The following TTC28 variants were observed in gnomAD, a reference collection of about 807,000 sequenced individuals.
TTC28 encodes tetratricopeptide repeat domain 28.
In TTC28, 61 loss-of-function variants were observed where a neutral mutation model predicts 198.0. That is an observed-to-expected ratio of 0.31 (90% confidence interval 0.25 to 0.38). The LOEUF is 0.38. TTC28 is among the 10% of genes least tolerant of loss of function. The pLI is 1.00. For missense variants in TTC28, 2,678 were observed against 3,164.0 expected, an observed-to-expected ratio of 0.85 and a Z score of 3.69; for synonymous variants, 1,171 against 1,297.8, an observed-to-expected ratio of 0.90 and a Z score of 2.10.
At chr22:28,127,155 A>G (rs1942936500) in intron 6 of TTC28, among the ~76,000 whole-genome samples, 1 of 152,190 alleles carries the variant, frequency 6.6e-6, no homozygotes, top group African/African-American at 2.4e-5. Context: ...ACAGACAGAA[A>G]GAATCAGGCC....
chr22:28,387,986 T>C (rs1195956132), intron 2 of TTC28, among the ~76,000 whole-genome samples: 1 of 152,302 alleles, frequency 6.6e-6, no homozygotes, highest in Non-Finnish European at 1.5e-5. Context: ...AGGTCTAACG[T>C]TTAAGTCTTT....
intron 2 of TTC28, among the ~76,000 whole-genome samples, chr22:28,423,015 A>G (rs1163129791): frequency 6.6e-6 from 1 of 152,210 alleles, no homozygotes; most frequent in East Asian, 1.9e-4. Context: ...CAGATAATAC[A>G]TACCATGTAT....
chr22:28,197,678 A>G (rs1925514547), intron 5 of TTC28, among the ~76,000 whole-genome samples: 1 of 152,134 alleles, frequency 6.6e-6, no homozygotes, highest in Non-Finnish European at 1.5e-5. Context: ...AATTTCCTGA[A>G]AAAAGTATCT....
In TTC28 at chr22:28,296,263, A is replaced by C; in HGVS notation, c.868T>G (p.Tyr290Asp). The change falls in exon 5 of 23, where the codon TAC becomes GAC. Residue 290 changes from tyrosine (Y) to aspartate (D), a missense_variant. Tyr to Asp is a radical substitution (Grantham distance 160). This residue lies in a region of TTC28 where 775 missense variants were observed against 845.9 expected (regional missense o/e 0.92). Coordinates refer to ENST00000397906, the MANE Select transcript of TTC28 (RefSeq NM_001145418.2). The part of the protein sequence containing the change: ...LGSAFFSKGN[Y>D]REALTNHRHQ... Reference sequence around the variant, plus strand: ...CTGTGGTTAGTGAGAGCCTCCCGGTAATTTCCTTTGGAGAAGAATGCAGAG... The same window carrying C: ...CTGTGGTTAGTGAGAGCCTCCCGGTCATTTCCTTTGGAGAAGAATGCAGAG... The C allele has an allele frequency of 4.5e-6, 7 of 1,551,058 alleles. No homozygotes were observed. The highest frequency in any genetic ancestry group is 6.1e-6 in the Non-Finnish European group (7 of 1,146,678).
chr22:28,239,246 G>A (rs1929481877), intron 5 of TTC28, among the ~76,000 whole-genome samples: 1 of 152,062 alleles, frequency 6.6e-6, no homozygotes, highest in Admixed American at 6.5e-5. Context: ...TGCAATAATG[G>A]ACATATTCTA....
intron 1 of TTC28, among the ~76,000 whole-genome samples, chr22:28,661,276 C>T (rs1488400784): frequency 6.6e-6 from 1 of 152,092 alleles, no homozygotes; most frequent in Non-Finnish European, 1.5e-5. Context: ...AAGTACGAAA[C>T]TCCATCTCAG....
intron 2 of TTC28, among the ~76,000 whole-genome samples, chr22:28,347,320 T>C (rs188305513): frequency 1.4e-3 from 215 of 151,782 alleles, no homozygotes; most frequent in Middle Eastern, 0.01. Context: ...TTGAAAGTCA[T>C]TGCCCTTTTC....
In TTC28 at chr22:28,537,301, A is replaced by AACATAACATAAC. The variant is rs2049306156; in HGVS notation, c.381+92250_381+92251insGTTATGTTATGT. Among the ~76,000 whole-genome samples the AACATAACATAAC allele has an allele frequency of 9.7e-5, 12 of 124,156 alleles. No individual in the cohort carries two copies. In the East Asian group the frequency reaches 2.1e-3, roughly 21 times the overall value. 81.5% of individuals were successfully genotyped at this position (124,156 alleles called of 152,430 possible). On this transcript the variant is annotated intron_variant, in intron 2 of 22. Transcript: ENST00000397906. ...GAGCCAGACTCCGTCTCAAAAATAA[A>AACATAACATAAC]ATAAAATAAAATAAAATAAAATAAA...
At chr22:28,612,057 T>C (rs1371679845) in intron 2 of TTC28, among the ~76,000 whole-genome samples, 5 of 152,198 alleles carry the variant, frequency 3.3e-5, no homozygotes, top group Admixed American at 1.3e-4. Flanking sequence ...TCAAGACCCA[T>C]TGGTGTGCTG....
At chr22:28,419,064 C>T (rs558018254) in intron 2 of TTC28, among the ~76,000 whole-genome samples, 24 of 152,154 alleles carry the variant, frequency 1.6e-4, no homozygotes, top group Non-Finnish European at 3.2e-4. Flanking sequence ...ATTATAATGA[C>T]CAGACAGTTT....
chr22:28,316,055 G>A (rs2103601), intron 2 of TTC28, among the ~76,000 whole-genome samples: 2,344 of 152,238 alleles, frequency 0.015, 78 homozygotes, highest in African/African-American at 0.054. Flanking sequence ...TTCTTTTAAT[G>A]CGCATGTGGG....
chr22:28,462,010 T>C (rs1216113284), intron 2 of TTC28, among the ~76,000 whole-genome samples: 3 of 152,242 alleles, frequency 2.0e-5, no homozygotes, highest in African/African-American at 7.2e-5. Context: ...TTTTAGTATA[T>C]ATAGTCTGGT....
At position 28,547,685 on chromosome 22, in the gene TTC28, C is replaced by T. The variant is rs185030006; in HGVS notation, c.381+81867G>A. 2.0e-3 allele frequency among the ~76,000 whole-genome samples: 298 copies of T among 151,828 alleles called. 2 individuals are homozygous for T. Among genetic ancestry groups the T allele is most frequent in the African/African-American group, 6.2e-3 (257 of 41,404 alleles). On this transcript the variant is annotated intron_variant, in intron 2 of 22. Coordinates refer to ENST00000397906, the MANE Select transcript of TTC28 (RefSeq NM_001145418.2). ...AAAAATTTACTCACTGTAATACGGTCGCATTCCTTCCATAGTCAGACTCTT... is the reference window on the plus strand; with the variant it reads ...AAAAATTTACTCACTGTAATACGGTTGCATTCCTTCCATAGTCAGACTCTT...
At chr22:28,342,264 A>C (rs1274114916) in intron 2 of TTC28, among the ~76,000 whole-genome samples, 2 of 152,190 alleles carry the variant, frequency 1.3e-5, no homozygotes, top group African/African-American at 4.8e-5. Flanking sequence ...TTCAGACTCA[A>C]ATACTTTATG....
chr22:28,674,497 T>C (rs748282562), intron 1 of TTC28, among the ~76,000 whole-genome samples: 5 of 152,152 alleles, frequency 3.3e-5, no homozygotes, highest in Non-Finnish European at 5.9e-5. Context: ...TATGCAATTA[T>C]ACATATGAGA....
chr22:28,596,727 G>A (rs1366982223), intron 2 of TTC28, among the ~76,000 whole-genome samples: 1 of 152,156 alleles, frequency 6.6e-6, no homozygotes. Flanking sequence ...ATAGATGACT[G>A]TACCAGGATC....
intron 2 of TTC28, among the ~76,000 whole-genome samples, chr22:28,589,746 A>G (rs1005634997): frequency 6.6e-6 from 1 of 152,190 alleles, no homozygotes; most frequent in Non-Finnish European, 1.5e-5. Context: ...AATTATAAAA[A>G]TAACAGAAAA....
chr22:28,043,697 C>T (rs912605877), intron 12 of TTC28, among the ~76,000 whole-genome samples: 3 of 152,108 alleles, frequency 2.0e-5, no homozygotes, highest in African/African-American at 7.2e-5. Flanking sequence ...TTAGAAATCC[C>T]CCTCTTTGGA....
intron 2 of TTC28, among the ~76,000 whole-genome samples, chr22:28,496,317 T>G (rs1601469851): frequency 6.6e-6 from 1 of 152,206 alleles, no homozygotes; most frequent in Non-Finnish European, 1.5e-5. Flanking sequence ...CCCTTAGGTG[T>G]CTAATAAATA....
Sources: allele counts gnomAD v4.1 joint callset (sites outside exome capture counted in the v4.1 genomes callset), GRCh38; gene constraint gnomAD v4.1.1; regional missense constraint gnomAD v4.1.1; transcripts MANE v1.5; gene names NCBI Gene and HGNC (gene_info 2026-07-23, HGNC 2026-07-21).